RPF2: variants seen among roughly 807,000 people sequenced by gnomAD.
RPF2 encodes the protein ribosome production factor 2 homolog.
Under a neutral mutation model 38.9 loss-of-function variants are expected in RPF2, and 21 were observed. The ratio of observed to expected loss-of-function variants is 0.54; its 90% confidence interval spans 0.38 to 0.78. The LOEUF (loss-of-function observed/expected upper bound fraction) is 0.78, where lower values mean the gene tolerates loss of function less well. Ranked by LOEUF, RPF2 falls within the 30% of genes least tolerant of loss-of-function variation. RPF2 has a pLI of 0.00. For synonymous variants in RPF2, 121 were observed against 126.2 expected, an observed-to-expected ratio of 0.96 and a Z score of 0.28; for missense variants, 314 against 358.1, an observed-to-expected ratio of 0.88 and a Z score of 0.99.
chr6:110,992,179 A>G (rs183043286), intron 4 of RPF2, among the ~76,000 whole-genome samples: 61 of 152,188 alleles, frequency 4.0e-4, no homozygotes, highest in African/African-American at 1.1e-3. Context: ...GCGTGATGGC[A>G]CATGCCTGTA....
rs72939519 is a variant in RPF2 at position 111,019,115 on chromosome 6, C to G, written c.596+3259C>G. On this transcript the variant is annotated intron_variant, in intron 8 of 9. Transcript: ENST00000441448. ...CTCCATGCTACTTAGGAGGCTGAGG[C>G]AGGACAATTGAGCCCAGGACGCAGA... is the stretch of plus-strand genomic sequence containing the variant. Among the ~76,000 whole-genome samples, 618 of 152,122 alleles carry G rather than the reference C, an allele frequency of 4.1e-3. 3 individuals are homozygous for G. Among genetic ancestry groups the G allele is most frequent in the South Asian group, 0.023 (111 of 4,826 alleles).
chr6:111,003,079 A>ACCC (rs10565997), intron 6 of RPF2, among the ~76,000 whole-genome samples: 6 of 98,576 alleles, frequency 6.1e-5, no homozygotes, highest in African/African-American at 1.8e-4. Flanking sequence ...TTCATTTTTT[A>ACCC]CCCCCCCCCC....
chr6:110,982,375 G>A (rs1222840898), intron 1 of RPF2: 1 of 578,452 alleles, frequency 1.7e-6, no homozygotes, highest in South Asian at 2.0e-5. Context: ...TTTTATCCTA[G>A]CCAGTTGAAA....
At position 111,025,741 on chromosome 6, in the gene RPF2, G is replaced by A. The variant is rs774882337; in HGVS notation, c.*159G>A. ...GAACAGTAATATACTAGTATTAAGT[G>A]TAAAGTAAGCCTTTTATTTGAGACA... is the stretch of plus-strand genomic sequence containing the variant. On this transcript the variant is annotated 3_prime_UTR_variant, in exon 10 of 10. Coordinates refer to ENST00000441448, the MANE Select transcript of RPF2 (RefSeq NM_032194.3). 3 of 522,368 alleles carry A rather than the reference G, an allele frequency of 5.7e-6. No homozygotes were observed. The highest frequency in any genetic ancestry group is 3.7e-5 in the South Asian group (1 of 27,110). 32.4% of individuals were successfully genotyped at this position (522,368 alleles called of 1,614,324 possible). A position where few individuals can be genotyped will look rare whatever the true frequency, so the allele number is the denominator to read the frequency against.
intron 3 of RPF2, among the ~76,000 whole-genome samples, chr6:110,990,441 G>A (rs1239243883): frequency 6.6e-6 from 1 of 151,756 alleles, no homozygotes; most frequent in Non-Finnish European, 1.5e-5. Flanking sequence ...ATTGATTGAG[G>A]TTATGCATGT....
intron 8 of RPF2, among the ~76,000 whole-genome samples, chr6:111,022,320 C>T (rs1002983051): frequency 6.6e-6 from 1 of 152,158 alleles, no homozygotes; most frequent in African/African-American, 2.4e-5. Context: ...AAGAAATAGA[C>T]AAATAATATT....
intron 3 of RPF2, 67 bp from the exon 4 acceptor site, chr6:110,991,680 A>G: frequency 3.8e-6 from 2 of 532,064 alleles, no homozygotes; most frequent in Non-Finnish European, 6.5e-6. Flanking sequence ...ATATAAAATT[A>G]CCTTAATATA....
chr6:111,015,634 A>T, intron 7 of RPF2, 120 bp from the exon 8 acceptor site: 1 of 669,638 alleles, frequency 1.5e-6, no homozygotes, highest in Non-Finnish European at 2.6e-6. Context: ...TTTTTCAGGA[A>T]TCATTTTTTG....
rs1772357008 is a variant in RPF2 at position 111,027,631 on chromosome 6, G to A, written c.*2049G>A. 1 of 152,138 alleles carries A rather than the reference G, an allele frequency of 6.6e-6. No individual in the cohort carries two copies. Among genetic ancestry groups the A allele is most frequent in the Non-Finnish European group, 1.5e-5 (1 of 68,024 alleles). 9.4% of individuals were successfully genotyped at this position (152,138 alleles called of 1,614,324 possible). A position where few individuals can be genotyped will look rare whatever the true frequency, so the allele number is the denominator to read the frequency against. On this transcript the variant is annotated 3_prime_UTR_variant, in exon 10 of 10. Transcript: ENST00000441448. ...ATCAGCCAATCTTAACCCAAAGATG[G>A]CCATGATTTCTGTATGTGAGACGTC...
chr6:110,986,881 A>G (rs1771534307), intron 2 of RPF2, among the ~76,000 whole-genome samples: 1 of 150,902 alleles, frequency 6.6e-6, no homozygotes, highest in Admixed American at 6.7e-5. Context: ...TGGACCTGGG[A>G]GATGGAGGTT....
chr6:110,994,364 T>C (rs1483003274), intron 4 of RPF2, among the ~76,000 whole-genome samples: 1 of 151,902 alleles, frequency 6.6e-6, no homozygotes, highest in Non-Finnish European at 1.5e-5. Context: ...GTGGGAGGAT[T>C]GCGTGGGGCC....
chr6:111,009,222 A>G (rs1001735137), intron 7 of RPF2, among the ~76,000 whole-genome samples: 1 of 151,876 alleles, frequency 6.6e-6, no homozygotes. Context: ...TGCCCAGCTT[A>G]TTTTTGTATT....
At chr6:111,005,098 A>C (rs748755069) in intron 6 of RPF2, among the ~76,000 whole-genome samples, 3 of 152,112 alleles carry the variant, frequency 2.0e-5, no homozygotes, top group Non-Finnish European at 4.4e-5. Flanking sequence ...TTAGATCTGG[A>C]ACGTCCTTTC....
chr6:110,986,869 C>T (rs972375542), intron 2 of RPF2, among the ~76,000 whole-genome samples: 2 of 151,284 alleles, frequency 1.3e-5, no homozygotes, highest in African/African-American at 4.9e-5. Flanking sequence ...GGAAAATCTG[C>T]TTGGACCTGG....
intron 8 of RPF2, among the ~76,000 whole-genome samples, chr6:111,017,098 GCAACAAT>G (rs1433684558): frequency 4.6e-5 from 7 of 152,176 alleles, no homozygotes; most frequent in Non-Finnish European, 1.0e-4. Context: ...CACAGACACA[GCAACAAT>G]CTGATTTCTC....
intron 4 of RPF2, among the ~76,000 whole-genome samples, chr6:110,994,730 T>TACACACACACACAC (rs1483788093): frequency 9.3e-5 from 9 of 97,266 alleles, no homozygotes; most frequent in African/African-American, 4.0e-4. Flanking sequence ...GGGATGAGTA[T>TACACACACACACAC]ATATACACAC....
In RPF2 at chr6:111,025,619, T is replaced by C. The variant is rs1219455913; in HGVS notation, c.*37T>C. On this transcript the variant is annotated 3_prime_UTR_variant, in exon 10 of 10. Coordinates refer to ENST00000441448, the MANE Select transcript of RPF2 (RefSeq NM_032194.3). ...CAGCCACTACTGTTTCATTGTGTTCTACTTAAGAGAATTATCAAGCGTCAA... is the reference window on the plus strand; with the variant it reads ...CAGCCACTACTGTTTCATTGTGTTCCACTTAAGAGAATTATCAAGCGTCAA... 1 of 1,485,922 alleles carries C rather than the reference T, an allele frequency of 6.7e-7. No individual in the cohort carries two copies. The highest frequency in any genetic ancestry group is 9.2e-7 in the Non-Finnish European group (1 of 1,090,482). 92.0% of individuals were successfully genotyped at this position (1,485,922 alleles called of 1,614,324 possible).
chr6:111,002,445 A>G (rs1771825510), intron 6 of RPF2, among the ~76,000 whole-genome samples: 1 of 152,148 alleles, frequency 6.6e-6, no homozygotes, highest in South Asian at 2.1e-4. Context: ...GGCTCAGGCT[A>G]TCCTGCCTCA....
At chr6:111,018,027 A>G (rs1182423809) in intron 8 of RPF2, among the ~76,000 whole-genome samples, 3 of 152,138 alleles carry the variant, frequency 2.0e-5, no homozygotes, top group African/African-American at 7.2e-5. Context: ...CCTGGCCAAC[A>G]CAGTGAAACC....
Sources: gnomAD v4.1 joint callset for allele counts (sites outside exome capture counted in the v4.1 genomes callset) on GRCh38, gnomAD v4.1.1 for gene constraint, MANE v1.5 for transcripts, NCBI Gene and HGNC (gene_info 2026-07-23, HGNC 2026-07-21) for gene names.